The following PHF21B variants were observed in gnomAD, a reference collection of about 807,000 sequenced individuals.
The protein encoded by PHF21B is PHD finger protein 21B.
PHF21B carries 22 observed loss-of-function variants against 62.2 expected under a neutral mutation model. That is an observed-to-expected ratio of 0.35 (90% CI 0.25 to 0.51). PHF21B has a LOEUF of 0.51. PHF21B is among the 20% of genes least tolerant of loss of function. The pLI, the probability that PHF21B is intolerant of heterozygous loss-of-function variation, is 0.97. For missense variants in PHF21B, 701 were observed against 707.9 expected (o/e 0.99, Z 0.11); for synonymous variants, 341 against 314.7 (o/e 1.08, Z -0.88).
chr22:44,986,711 C>G (rs2072956141), intron 2 of PHF21B, among the ~76,000 whole-genome samples: 1 of 152,134 alleles, frequency 6.6e-6, no homozygotes, highest in Non-Finnish European at 1.5e-5. Context: ...TTTTATTCCT[C>G]AAGTTACCGG....
At chr22:44,936,987 C>T (rs968488800) in intron 2 of PHF21B, among the ~76,000 whole-genome samples, 7 of 151,584 alleles carry the variant, frequency 4.6e-5, no homozygotes, top group Non-Finnish European at 1.0e-4. Flanking sequence ...GCCTCAGCCT[C>T]CTGAGTAGCT....
chr22:44,981,014 A>G (rs1228854552), intron 2 of PHF21B, among the ~76,000 whole-genome samples: 1 of 152,364 alleles, frequency 6.6e-6, no homozygotes, highest in African/African-American at 2.4e-5. Flanking sequence ...GCAAAACGGG[A>G]AATAAATAAG....
chr22:44,969,401 C>T (rs1012769936), intron 2 of PHF21B, among the ~76,000 whole-genome samples: 6 of 152,126 alleles, frequency 3.9e-5, no homozygotes, highest in East Asian at 1.9e-4. Flanking sequence ...CACGGTGGCT[C>T]GCACCTATAA....
intron 2 of PHF21B, among the ~76,000 whole-genome samples, chr22:44,986,257 CCAT>C: frequency 6.6e-6 from 1 of 151,634 alleles, no homozygotes; most frequent in South Asian, 2.1e-4. Context: ...ATCATCACCA[CCAT>C]CACCAGCAGC....
At chr22:44,973,539 T>C (rs1472327026) in intron 2 of PHF21B, among the ~76,000 whole-genome samples, 2 of 151,778 alleles carry the variant, frequency 1.3e-5, no homozygotes, top group Non-Finnish European at 2.9e-5. Flanking sequence ...TCAAGCTGAG[T>C]GGGGGCTACC....
At chr22:44,943,592 A>G (rs2147370342) in intron 2 of PHF21B, among the ~76,000 whole-genome samples, 1 of 152,250 alleles carries the variant, frequency 6.6e-6, no homozygotes, top group East Asian at 1.9e-4. Context: ...GAGTCCTGGC[A>G]GCTGGCTCAC....
At chr22:44,957,102 T>G (rs893039922) in intron 2 of PHF21B, among the ~76,000 whole-genome samples, 2 of 151,048 alleles carry the variant, frequency 1.3e-5, no homozygotes, top group South Asian at 4.2e-4. Flanking sequence ...CCCTCCCTCC[T>G]CCCTCTGAGC....
intron 3 of PHF21B, 47 bp from the exon 4 acceptor site, chr22:44,916,677 A>C (rs1449832404): frequency 1.9e-6 from 3 of 1,560,728 alleles, no homozygotes; most frequent in Admixed American, 1.7e-5. Flanking sequence ...GACACACAGG[A>C]GTGCAGGGGA....
rs769694646 is a variant in PHF21B at position 44,916,457 on chromosome 22, C to T, written c.387G>A (p.Gln129=). 1 of 1,600,964 alleles carries T rather than the reference C, an allele frequency of 6.2e-7. No individual in the cohort carries two copies. The change falls in exon 4 of 13, where the codon CAG becomes CAA. Residue 129 remains glutamine, a synonymous_variant. Transcript: ENST00000313237. The part of the protein sequence containing the change: ...TVSHVPAPGS[Q]PQALAEPAAL... ...CGGCGGGCTCGGCGAGGGCCTGGGG[C>T]TGGCTGCCGGGCGCTGGCACATGGC...
Position 44,952,330 on chromosome 22 carries a change from C to T in PHF21B, c.121-31840G>A, listed in dbSNP as rs535175281. ...TGTACTCTGGCCTGGGCAACAAGAG[C>T]GAAACTTTGTCTCAAAAAAGAAAAT... is the stretch of plus-strand genomic sequence containing the variant. On this transcript the variant is annotated intron_variant, in intron 2 of 12. Coordinates refer to ENST00000313237, the MANE Select transcript of PHF21B (RefSeq NM_138415.5). 1.4e-4 allele frequency among the ~76,000 whole-genome samples: 21 copies of T among 152,076 alleles called. 1 individual carries two copies. The highest frequency in any genetic ancestry group is 1.1e-3 in the Admixed American group (17 of 15,258).
chr22:44,950,316 C>T (rs1162847706), intron 2 of PHF21B, among the ~76,000 whole-genome samples: 12 of 152,262 alleles, frequency 7.9e-5, no homozygotes, highest in Admixed American at 7.9e-4. Context: ...AATTGTGCCT[C>T]AATACCCTCT....
chr22:45,008,502 C>T, intron 2 of PHF21B, 43 bp downstream of exon 2: 1 of 1,493,120 alleles, frequency 6.7e-7, no homozygotes, highest in Non-Finnish European at 9.0e-7. Context: ...GCCCAGCCAC[C>T]CTCCCGCCCC....
chr22:44,912,722 TA>T (rs1198861088), intron 5 of PHF21B, among the ~76,000 whole-genome samples: 2 of 150,828 alleles, frequency 1.3e-5, no homozygotes, highest in East Asian at 1.9e-4. Context: ...TACAAAACAT[TA>T]AAAAATTAGC....
chr22:44,896,000 C>A, intron 6 of PHF21B, 32 bp downstream of exon 6: 1 of 1,613,904 alleles, frequency 6.2e-7, no homozygotes, highest in Non-Finnish European at 8.5e-7. Flanking sequence ...TCAGTCCCAG[C>A]CCAACCTGCT....
chr22:44,986,965 C>T (rs1322670150), intron 2 of PHF21B, among the ~76,000 whole-genome samples: 1 of 152,144 alleles, frequency 6.6e-6, no homozygotes, highest in Non-Finnish European at 1.5e-5. Context: ...GGATCCAGGC[C>T]CCTGCCCCAG....
At chr22:44,924,681 C>T (rs535725774) in intron 2 of PHF21B, among the ~76,000 whole-genome samples, 57 of 152,334 alleles carry the variant, frequency 3.7e-4, no homozygotes, top group Admixed American at 6.5e-4. Flanking sequence ...CTTGGACTTC[C>T]CAGCCTCCAG....
intron 2 of PHF21B, among the ~76,000 whole-genome samples, chr22:44,951,990 C>T (rs750567215): frequency 7.2e-5 from 11 of 152,186 alleles, no homozygotes; most frequent in Non-Finnish European, 1.0e-4. Context: ...CCATGATTCT[C>T]AGATCTGTGG....
intron 5 of PHF21B, chr22:44,902,501 C>G (rs1186430171): frequency 6.1e-6 from 1 of 164,754 alleles, no homozygotes; most frequent in African/African-American, 2.4e-5. Flanking sequence ...TACTTTTCCC[C>G]CTTCTGCCTC....
chr22:44,990,525 T>G (rs1240413507), intron 2 of PHF21B, among the ~76,000 whole-genome samples: 1 of 152,198 alleles, frequency 6.6e-6, no homozygotes, highest in Non-Finnish European at 1.5e-5. Flanking sequence ...ATGCGTGAAT[T>G]ACGCTGAGTA....
Sources: allele counts gnomAD v4.1 joint callset (sites outside exome capture counted in the v4.1 genomes callset), GRCh38; gene constraint gnomAD v4.1.1; transcripts MANE v1.5; gene names NCBI Gene and HGNC (gene_info 2026-07-23, HGNC 2026-07-21).